Variants in CCDC178 observed in about 807,000 individuals in gnomAD.
CCDC178 encodes coiled-coil domain containing 178, also known as coiled-coil domain-containing protein 178.
A neutral mutation model predicts 117.4 loss-of-function variants in CCDC178; 126 were observed. The ratio of observed to expected loss-of-function variants is 1.07; its 90% CI spans 0.93 to 1.24. The LOEUF (loss-of-function observed/expected upper bound fraction) is 1.24, where lower values mean the gene tolerates loss of function less well. CCDC178 is among the 50% of genes most tolerant of loss of function. CCDC178 has a pLI of 0.00. For missense variants in CCDC178, 1,030 were observed against 986.9 expected, an observed-to-expected ratio of 1.04 and a Z score of -0.59; for synonymous variants, 283 against 313.4, an observed-to-expected ratio of 0.90 and a Z score of 1.02.
chr18:33,293,185 T>G lies in CCDC178; in HGVS notation c.1150A>C (p.Asn384His). Residue 384 changes from asparagine to histidine, a missense_variant, in exon 12 of 23, where the codon AAT (asparagine) becomes CAT (histidine). By Grantham distance (68) the Asn-to-His change is moderately conservative (BLOSUM62 1). Transcript: ENST00000383096. ...EAIRETKSSK[N>H]ELHSLSKMLE... ...ATTTTTGATAGAGAATGTAATTCATTTTTTGATGACTTTGTTTCCCTTATT... is the reference window on the plus strand; with the variant it reads ...ATTTTTGATAGAGAATGTAATTCATGTTTTGATGACTTTGTTTCCCTTATT... 6.3e-7 allele frequency: 1 copy of G among 1,586,016 alleles called. No homozygotes were observed. Among genetic ancestry groups the G allele is most frequent in the Non-Finnish European group, 8.6e-7 (1 of 1,163,104 alleles).
chr18:33,293,923 T>C (rs2062071065), intron 11 of CCDC178, among the ~76,000 whole-genome samples: 1 of 152,046 alleles, frequency 6.6e-6, no homozygotes. Context: ...TTTATACACT[T>C]TTAATTCAGA....
In CCDC178 at chr18:32,994,647, A is replaced by G. The variant is rs146658787; in HGVS notation, c.2389-19966T>C. 1.4e-3 allele frequency among the ~76,000 whole-genome samples: 213 copies of G among 152,322 alleles called. 1 individual carries two copies. Among genetic ancestry groups the G allele is most frequent in the African/African-American group, 4.8e-3 (198 of 41,584 alleles). ...CCTCCAAGACTAAAATTAACCTACA[A>G]TAATCACCAAGTTTATTGCTGCGGT... On this transcript the variant is annotated intron_variant, in intron 21 of 22. Transcript: ENST00000383096.
chr18:32,958,215 A>G (rs917955858), intron 22 of CCDC178: 2 of 577,670 alleles, frequency 3.5e-6, no homozygotes, highest in Admixed American at 5.6e-5. Flanking sequence ...TCCAAATCAT[A>G]CTGGTTCTGT....
chr18:33,358,646 A>G (rs1297758149), intron 6 of CCDC178, among the ~76,000 whole-genome samples: 1 of 151,960 alleles, frequency 6.6e-6, no homozygotes, highest in African/African-American at 2.4e-5. Context: ...CACATTATTG[A>G]GCAAATCTCC....
intron 21 of CCDC178, among the ~76,000 whole-genome samples, chr18:33,043,177 A>G (rs1418849426): frequency 6.6e-6 from 1 of 151,546 alleles, no homozygotes; most frequent in Non-Finnish European, 1.5e-5. Context: ...TACGACATAT[A>G]GTAAGTAACA....
chr18:33,213,261 T>C (rs2059127731), intron 19 of CCDC178, among the ~76,000 whole-genome samples: 1 of 152,034 alleles, frequency 6.6e-6, no homozygotes, highest in East Asian at 1.9e-4. Flanking sequence ...CATTTTTTTC[T>C]GCTCTTCGTT....
chr18:33,154,022 G>A (rs975821029), intron 20 of CCDC178, among the ~76,000 whole-genome samples: 4 of 151,932 alleles, frequency 2.6e-5, no homozygotes, highest in Non-Finnish European at 4.4e-5. Flanking sequence ...TAAAAATTTT[G>A]TGTCTTTATG....
intron 21 of CCDC178, among the ~76,000 whole-genome samples, chr18:33,004,959 C>A (rs1213697434): frequency 6.6e-6 from 1 of 151,972 alleles, no homozygotes; most frequent in Non-Finnish European, 1.5e-5. Context: ...AAAATACAGG[C>A]AATAACAACT....
chr18:33,216,310 T>C (rs1184774264), intron 18 of CCDC178, among the ~76,000 whole-genome samples: 1 of 152,074 alleles, frequency 6.6e-6, no homozygotes, highest in African/African-American at 2.4e-5. Flanking sequence ...CAAGGATATA[T>C]ATATTGTTCT....
intron 9 of CCDC178, among the ~76,000 whole-genome samples, chr18:33,341,011 C>T (rs1287841738): frequency 6.6e-6 from 1 of 152,038 alleles, no homozygotes; most frequent in Non-Finnish European, 1.5e-5. Flanking sequence ...GCACATGTGC[C>T]TAGAAAAGCC....
At chr18:32,968,788 A>G (rs2054869067) in intron 22 of CCDC178, among the ~76,000 whole-genome samples, 2 of 152,028 alleles carry the variant, frequency 1.3e-5, no homozygotes, top group Admixed American at 6.6e-5. Flanking sequence ...CATGTTTTCT[A>G]TAAATTCTTC....
chr18:33,347,202 A>C (rs2062908244), intron 8 of CCDC178, among the ~76,000 whole-genome samples: 1 of 152,188 alleles, frequency 6.6e-6, no homozygotes, highest in Non-Finnish European at 1.5e-5. Context: ...AAACACATAA[A>C]TACAAAGTGT....
At chr18:33,209,207 A>T (rs1290823805) in intron 20 of CCDC178, among the ~76,000 whole-genome samples, 1 of 152,068 alleles carries the variant, frequency 6.6e-6, no homozygotes, top group African/African-American at 2.4e-5. Context: ...ATGCCATGAC[A>T]TTATTAAAAA....
chr18:32,952,199 A>G (rs1201750562), intron 22 of CCDC178, among the ~76,000 whole-genome samples: 5 of 152,226 alleles, frequency 3.3e-5, no homozygotes, highest in Non-Finnish European at 7.3e-5. Context: ...TCCACTAGGC[A>G]GTGCCCCAGT....
intron 3 of CCDC178, among the ~76,000 whole-genome samples, chr18:33,400,821 C>T (rs1203468655): frequency 1.3e-5 from 2 of 152,210 alleles, no homozygotes; most frequent in Admixed American, 6.5e-5. Context: ...ACTTGGCTAA[C>T]AGCTCAGCAC....
At chr18:32,943,839 T>C (rs2054291182) in intron 22 of CCDC178, among the ~76,000 whole-genome samples, 1 of 152,252 alleles carries the variant, frequency 6.6e-6, no homozygotes, top group Non-Finnish European at 1.5e-5. Flanking sequence ...TAACACAACA[T>C]ATTAAGATTC....
chr18:33,284,047 C>T (rs2060065878), intron 12 of CCDC178, among the ~76,000 whole-genome samples: 1 of 152,168 alleles, frequency 6.6e-6, no homozygotes, highest in African/African-American at 2.4e-5. Flanking sequence ...AAATGTGGTA[C>T]ATATACACCA....
At chr18:33,328,186 C>G (rs1176627933) in intron 10 of CCDC178, 1 of 272,588 alleles carries the variant, frequency 3.7e-6, no homozygotes, top group African/African-American at 2.4e-5. Context: ...ACTGCAACCC[C>G]CGCCCCACCG....
chr18:33,109,185 T>C (rs2057747317), intron 20 of CCDC178, among the ~76,000 whole-genome samples: 5 of 151,720 alleles, frequency 3.3e-5, no homozygotes, highest in Non-Finnish European at 5.9e-5. Flanking sequence ...AATAATATTG[T>C]ATTCTTTCAA....
Sources: allele counts gnomAD v4.1 joint callset (sites outside exome capture counted in the v4.1 genomes callset), GRCh38; gene constraint gnomAD v4.1.1; transcripts MANE v1.5; gene names NCBI Gene and HGNC (gene_info 2026-07-23, HGNC 2026-07-21).